NBPF20: variants seen among roughly 807,000 people sequenced by gnomAD.
NBPF20 encodes the protein NBPF family member NBPF20.
A neutral mutation model predicts 68.1 loss-of-function variants in NBPF20; 90 were observed. That is an observed-to-expected ratio of 1.32 (90% confidence interval 1.11 to 1.58). The LOEUF (loss-of-function observed/expected upper bound fraction) is 1.58, where lower values mean the gene tolerates loss of function less well. Among genes scored for constraint, NBPF20 ranks in the 40% most tolerant of loss-of-function variants. NBPF20 has a pLI of 0.00. For missense variants in NBPF20, 816 were observed against 601.2 expected, an observed-to-expected ratio of 1.36 and a Z score of -3.74; for synonymous variants, 290 against 228.1, an observed-to-expected ratio of 1.27 and a Z score of -2.45.
chr1:145,407,463 GTA>G (rs1162283849), upstream of NBPF20, among the ~76,000 whole-genome samples: 6 of 143,052 alleles, frequency 4.2e-5, no homozygotes, highest in African/African-American at 1.0e-4. Flanking sequence ...GTGTATACAC[GTA>G]TATATAATAT....
At chr1:145,397,346 T>C (rs1401057641) in intron 7 of NBPF20, among the ~76,000 whole-genome samples, 3 of 152,244 alleles carry the variant, frequency 2.0e-5, no homozygotes, top group African/African-American at 7.2e-5. Flanking sequence ...ATTGTCACAC[T>C]GCCTTCCACA....
rs1203136804 is a variant in NBPF20 at position 145,395,042 on chromosome 1, C to G, written c.927G>C (p.Gln309His). 179 of 1,611,544 alleles carry G rather than the reference C, an allele frequency of 1.1e-4. 1 individual carries two copies. In the African/African-American group the frequency reaches 2.2e-3, roughly 20 times the overall value. ...ATGAGTGAAATGTGCTGCTGTAAGA[C>G]TGGTACGAGGCCAACATTTCAGGAG... is the stretch of plus-strand genomic sequence containing the variant. The change falls in exon 8 of 138, where the codon CAG becomes CAC. Residue 309 changes from glutamine (Q) to histidine (H), a missense_variant. Gln to His is a conservative substitution (Grantham distance 24). Transcript: ENST00000369373.
At chr1:145,309,411 C>A in intron 115 of NBPF20, among the ~76,000 whole-genome samples, 163 bp from the exon 121 acceptor site, 1 of 20,406 alleles carries the variant, frequency 4.9e-5, no homozygotes, top group African/African-American at 2.4e-4. Flanking sequence ...CAGAACAGGG[C>A]CAAATGGAAA....
intron 2 of NBPF20, among the ~76,000 whole-genome samples, chr1:145,404,553 G>A (rs1280381967): frequency 9.2e-5 from 14 of 152,174 alleles, no homozygotes; most frequent in South Asian, 8.3e-4. Context: ...CACGTTGCAC[G>A]GCCCCTACTC....
chr1:145,396,534 C>T (rs1662247979), intron 7 of NBPF20, among the ~76,000 whole-genome samples: 1 of 151,012 alleles, frequency 6.6e-6, no homozygotes, highest in Non-Finnish European at 1.5e-5. Flanking sequence ...AAGAGCAACC[C>T]CAAAACACTT....
chr1:145,405,040 G>A (rs1253214369), intron 2 of NBPF20, 58 bp downstream of exon 7: 1 of 1,611,220 alleles, frequency 6.2e-7, no homozygotes, highest in Non-Finnish European at 8.5e-7. Flanking sequence ...AGCATTTAGT[G>A]TCTCAGAAGA....
At chr1:145,402,421 T>C (rs2101579102) in intron 3 of NBPF20, 40 bp from the exon 9 acceptor site, 2 of 1,603,392 alleles carry the variant, frequency 1.2e-6, no homozygotes, top group Non-Finnish European at 8.5e-7. Context: ...AGTGGAAAGG[T>C]TCAGTGATCC....
chr1:145,404,545 C>T (rs1265820411), intron 2 of NBPF20, among the ~76,000 whole-genome samples: 7 of 152,100 alleles, frequency 4.6e-5, no homozygotes, highest in South Asian at 2.1e-4. Context: ...GAGTGAGCCA[C>T]GTTGCACGGC....
At chr1:145,411,126 T>G in the NBPF20 span, among the ~76,000 whole-genome samples, 2 of 146,416 alleles carry the variant, frequency 1.4e-5, no homozygotes, top group South Asian at 4.2e-4. Context: ...ATTTTATTAT[T>G]CTTGATCATT....
At chr1:145,425,079 G>C in the NBPF20 span, among the ~76,000 whole-genome samples, 1 of 151,988 alleles carries the variant, frequency 6.6e-6, no homozygotes, top group Non-Finnish European at 1.5e-5. Flanking sequence ...GAAGCTGCTC[G>C]TCCCTCCACC....
Position 145,298,379 on chromosome 1 carries a change from C to G in NBPF20, c.15684-245G>C, listed in dbSNP as rs1359404785. Among the ~76,000 whole-genome samples the G allele has an allele frequency of 3.2e-4, 44 of 136,268 alleles. 1 individual carries two copies. Among genetic ancestry groups the G allele is most frequent in the Non-Finnish European group, 4.3e-4 (29 of 66,998 alleles). 89.4% of individuals were successfully genotyped at this position (136,268 alleles called of 152,430 possible). A position where few individuals can be genotyped will look rare whatever the true frequency, so the allele number is the denominator to read the frequency against. On this transcript the variant is annotated intron_variant, in intron 129 of 137. Coordinates refer to ENST00000369373, the Ensembl canonical transcript of NBPF20. ...ACAGACACACACACACAGACACACA[C>G]ACACACACAGAGAGAGAGAACGAGC...
chr1:145,407,452 C>T (rs1308036087), upstream of NBPF20, among the ~76,000 whole-genome samples: 5 of 144,458 alleles, frequency 3.5e-5, no homozygotes, highest in South Asian at 2.1e-4. Flanking sequence ...CATGTATATA[C>T]GTGTATACAC....
the NBPF20 span, among the ~76,000 whole-genome samples, chr1:145,425,596 G>C: frequency 6.6e-6 from 1 of 152,186 alleles, no homozygotes; most frequent in South Asian, 2.1e-4. Context: ...GGTCTCGCCG[G>C]GCGCGTCAAG....
chr1:145,410,277 G>A (rs1662956870), upstream of NBPF20, among the ~76,000 whole-genome samples: 1 of 151,532 alleles, frequency 6.6e-6, no homozygotes, highest in Admixed American at 6.6e-5. Context: ...CTAAACAGTG[G>A]AGCATCTTTT....
exon 138 of NBPF20, chr1:145,291,498 T>C (rs782206931): frequency 1.2e-6 from 2 of 1,612,042 alleles, no homozygotes; most frequent in Non-Finnish European, 1.7e-6. Context: ...CCTGCAGGAA[T>C]GACATCTCTC....
chr1:145,399,765 AGACTCCATCAC>A (rs1662425565), intron 6 of NBPF20, among the ~76,000 whole-genome samples: 1 of 120,366 alleles, frequency 8.3e-6, no homozygotes, highest in Non-Finnish European at 1.7e-5. Context: ...TGACAGAGCA[AGACTCCATCAC>A]AAAAAAAAAA....
At chr1:145,404,089 C>G (rs1553666268) in intron 2 of NBPF20, among the ~76,000 whole-genome samples, 1 of 132,076 alleles carries the variant, frequency 7.6e-6, no homozygotes, top group East Asian at 2.2e-4. Context: ...TGGATGGAGC[C>G]CAGGAGACAG....
chr1:145,394,615 A>G (rs1450629136), intron 8 of NBPF20, among the ~76,000 whole-genome samples: 2 of 152,156 alleles, frequency 1.3e-5, no homozygotes, highest in African/African-American at 4.8e-5. Context: ...CAAAACTCAT[A>G]AGGAATTTTG....
At chr1:145,419,197 A>C in the NBPF20 span, among the ~76,000 whole-genome samples, 5 of 150,738 alleles carry the variant, frequency 3.3e-5, no homozygotes, top group South Asian at 8.6e-4. Context: ...AAGAATAAAG[A>C]GAGAGAGAAA....
Sources: gnomAD v4.1 joint callset for allele counts (sites outside exome capture counted in the v4.1 genomes callset) on GRCh38, gnomAD v4.1.1 for gene constraint, MANE v1.5 for transcripts, NCBI Gene and HGNC (gene_info 2026-07-23, HGNC 2026-07-21) for gene names.